The following SLC25A48 variants were observed in gnomAD, a reference collection of about 807,000 sequenced individuals.
The protein encoded by SLC25A48 is CTC-321K16.1.
Under a neutral mutation model 32.2 loss-of-function variants are expected in SLC25A48, and 29 were observed. That is an observed-to-expected ratio of 0.90 (90% confidence interval 0.67 to 1.23). The LOEUF (loss-of-function observed/expected upper bound fraction) is 1.23, where lower values mean the gene tolerates loss of function less well. SLC25A48 is among the 50% of genes most tolerant of loss of function. SLC25A48 has a pLI of 0.00. For synonymous variants in SLC25A48, 164 were observed against 172.3 expected, an observed-to-expected ratio of 0.95 and a Z score of 0.38; for missense variants, 399 against 422.7, an observed-to-expected ratio of 0.94 and a Z score of 0.49.
At chr5:135,870,852 TC>T (rs1382553806) in intron 4 of SLC25A48, among the ~76,000 whole-genome samples, 1 of 152,016 alleles carries the variant, frequency 6.6e-6, no homozygotes, top group African/African-American at 2.4e-5. Flanking sequence ...AAGGTAAATT[TC>T]GAATTATTTC....
intron 1 of SLC25A48, among the ~76,000 whole-genome samples, chr5:135,602,723 C>T (rs1751828961): frequency 6.6e-6 from 1 of 151,368 alleles, no homozygotes; most frequent in African/African-American, 2.4e-5. Flanking sequence ...ATTAACTCGT[C>T]ATTTACATTA....
chr5:135,742,387 T>A, intron 3 of SLC25A48: 1 of 1,192,346 alleles, frequency 8.4e-7, no homozygotes, highest in Admixed American at 2.8e-5. Context: ...GGCCTAGGAA[T>A]CCGTTATTTA....
chr5:135,838,799 T>C (rs113073603), intron 1 of SLC25A48, among the ~76,000 whole-genome samples: 178 of 152,230 alleles, frequency 1.2e-3, no homozygotes, highest in African/African-American at 4.0e-3. Context: ...TTTCAGAGGA[T>C]GTATGAAAAT....
chr5:135,804,444 C>A (rs988991415), intron 3 of SLC25A48, among the ~76,000 whole-genome samples: 1 of 151,690 alleles, frequency 6.6e-6, no homozygotes, highest in African/African-American at 2.4e-5. Flanking sequence ...TGTGTGTACA[C>A]CCACTGTGAT....
intron 3 of SLC25A48, among the ~76,000 whole-genome samples, chr5:135,777,934 A>T (rs62365735): frequency 0.3 from 45,884 of 151,592 alleles, 7,104 homozygotes; most frequent in East Asian, 0.46. Flanking sequence ...TGTTCCTAGT[A>T]TCCTGGGCTG....
intron 1 of SLC25A48, among the ~76,000 whole-genome samples, chr5:135,841,674 G>A (rs1759001477): frequency 6.6e-6 from 1 of 151,428 alleles, no homozygotes; most frequent in South Asian, 2.1e-4. Context: ...TAGGGTGGTG[G>A]AATTTTGCTA....
At chr5:135,621,254 GT>G (rs1182272718) in intron 1 of SLC25A48, among the ~76,000 whole-genome samples, 4 of 152,328 alleles carry the variant, frequency 2.6e-5, no homozygotes, top group African/African-American at 9.6e-5. Flanking sequence ...GTTTCTGTGA[GT>G]TAATATGTGT....
Position 135,850,443 on chromosome 5 carries a change from G to C in SLC25A48, c.109G>C (p.Val37Leu). 1 of 1,614,164 alleles carries C rather than the reference G, an allele frequency of 6.2e-7. No homozygotes were observed. ...TCCATAGACTCGCCTGCAGGCTGGC[G>C]TTGGCTACGGAAACACCCTCAGCTG... ...DTVKTRLQAG[V>L]GYGNTLSCIR... The change falls in exon 3 of 8, where the codon GTT becomes CTT. Residue 37 changes from valine (V) to leucine (L), a missense_variant. Physicochemically the swap from Val to Leu is conservative, Grantham distance 32. Transcript: ENST00000681962.
chr5:135,631,861 A>G (rs1431121065), intron 2 of SLC25A48, among the ~76,000 whole-genome samples: 1 of 152,222 alleles, frequency 6.6e-6, no homozygotes, highest in Non-Finnish European at 1.5e-5. Flanking sequence ...GTAAATTTAA[A>G]TGGGTGTAAC....
At chr5:135,767,185 A>AAAC (rs1756258776) in intron 3 of SLC25A48, among the ~76,000 whole-genome samples, 2 of 56,050 alleles carry the variant, frequency 3.6e-5, no homozygotes, top group Non-Finnish European at 4.7e-5. Flanking sequence ...CAGGACAGGT[A>AAAC]CACCCCCCCC....
At chr5:135,644,548 A>G (rs2126919416) in intron 3 of SLC25A48, among the ~76,000 whole-genome samples, 1 of 152,264 alleles carries the variant, frequency 6.6e-6, no homozygotes, top group Middle Eastern at 3.4e-3. Flanking sequence ...CCATCATTCC[A>G]GAGGCTTTAT....
chr5:135,881,565 A>G (rs1335894093), intron 7 of SLC25A48, among the ~76,000 whole-genome samples: 1 of 152,242 alleles, frequency 6.6e-6, no homozygotes, highest in Non-Finnish European at 1.5e-5. Flanking sequence ...AAACATCTTG[A>G]GTGAAGAATT....
At chr5:135,833,985 G>A (rs371045314), upstream of SLC25A48, among the ~76,000 whole-genome samples, 1 of 152,210 alleles carries the variant, frequency 6.6e-6, no homozygotes, top group Non-Finnish European at 1.5e-5. Context: ...GAGACCCACA[G>A]CTGAGTCCCT....
intron 3 of SLC25A48, among the ~76,000 whole-genome samples, chr5:135,664,030 A>G (rs1753466487): frequency 6.6e-6 from 1 of 152,164 alleles, no homozygotes; most frequent in South Asian, 2.1e-4. Context: ...TATTCTCTGC[A>G]GTCAAGAGTC....
chr5:135,695,998 A>G (rs969511791), intron 3 of SLC25A48, among the ~76,000 whole-genome samples: 3 of 152,226 alleles, frequency 2.0e-5, no homozygotes, highest in Admixed American at 1.3e-4. Context: ...CTGCCATGAC[A>G]TAGGGCAAAT....
At position 135,783,700 on chromosome 5, in the gene SLC25A48, C is replaced by T. The variant is rs1391283623; in HGVS notation, c.-520-28823C>T. Among the ~76,000 whole-genome samples, 2 of 117,794 alleles carry T rather than the reference C, an allele frequency of 1.7e-5. 1 individual carries two copies. Among genetic ancestry groups the T allele is most frequent in the African/African-American group, 5.2e-5 (2 of 38,612 alleles). 77.3% of individuals were successfully genotyped at this position (117,794 alleles called of 152,430 possible). On this transcript the variant is annotated intron_variant, in intron 3 of 10. Transcript: ENST00000646290. ...AGATATTACTCCCAATATCGAAGGGCGTGTACCCACCCCATGTGATACTGT... is the reference window on the plus strand; with the variant it reads ...AGATATTACTCCCAATATCGAAGGGTGTGTACCCACCCCATGTGATACTGT...
chr5:135,830,376 A>G (rs1010273915), upstream of SLC25A48, among the ~76,000 whole-genome samples: 1 of 152,158 alleles, frequency 6.6e-6, no homozygotes, highest in Admixed American at 6.5e-5. Flanking sequence ...GATCGTCCTT[A>G]CCTTCCAAAA....
chr5:135,603,411 C>T (rs1385448322), intron 1 of SLC25A48, among the ~76,000 whole-genome samples: 2 of 152,254 alleles, frequency 1.3e-5, no homozygotes, highest in African/African-American at 2.4e-5. Context: ...CTTAATGCCT[C>T]CTGCAATTAC....
chr5:135,871,924 G>A, intron 5 of SLC25A48: 1 of 1,462,298 alleles, frequency 6.8e-7, no homozygotes, highest in East Asian at 2.3e-5. Context: ...GAGAATGGCA[G>A]TTCCCATTTG....
Sources: gnomAD v4.1 joint callset for allele counts (sites outside exome capture counted in the v4.1 genomes callset) on GRCh38, gnomAD v4.1.1 for gene constraint, MANE v1.5 for transcripts, NCBI Gene and HGNC (gene_info 2026-07-23, HGNC 2026-07-21) for gene names.